The following LRRC4C variants were observed in gnomAD, a reference collection of about 807,000 sequenced individuals.
The protein encoded by LRRC4C is leucine-rich repeat-containing protein 4C.
In LRRC4C, 5 loss-of-function variants were observed where a neutral mutation model predicts 33.6. That is an observed-to-expected ratio of 0.15 (90% CI 0.08 to 0.31). The LOEUF (loss-of-function observed/expected upper bound fraction) is 0.31. Among genes scored for constraint, LRRC4C ranks in the 10% least tolerant of loss-of-function variants. LRRC4C has a pLI of 1.00. For synonymous variants in LRRC4C, 329 were observed against 302.0 expected (o/e 1.09, Z -0.93); for missense variants, 560 against 796.7 (o/e 0.70, Z 3.58).
intron 1 of LRRC4C, among the ~76,000 whole-genome samples, chr11:41,445,698 G>T (rs915102401): frequency 6.6e-6 from 1 of 152,050 alleles, no homozygotes; most frequent in African/African-American, 2.4e-5. Flanking sequence ...TCTGTAATAC[G>T]TGAACAATAA....
chr11:41,073,400 T>A (rs187207296), intron 1 of LRRC4C, among the ~76,000 whole-genome samples: 247 of 150,466 alleles, frequency 1.6e-3, no homozygotes, highest in Middle Eastern at 3.8e-3. Context: ...AGGGGGAGCA[T>A]CTATTTATGG....
chr11:40,558,695 A>G (rs1295691007), intron 3 of LRRC4C, among the ~76,000 whole-genome samples: 2 of 152,098 alleles, frequency 1.3e-5, no homozygotes, highest in African/African-American at 4.8e-5. Flanking sequence ...AACGGACATG[A>G]TTTTTTAAAA....
chr11:41,441,499 T>C (rs1163654762), intron 1 of LRRC4C, among the ~76,000 whole-genome samples: 50 of 151,188 alleles, frequency 3.3e-4, no homozygotes, highest in African/African-American at 1.1e-3. Context: ...TTTTTTTTTT[T>C]CCACATCTCA....
intron 3 of LRRC4C, among the ~76,000 whole-genome samples, chr11:40,332,256 C>A: frequency 6.6e-6 from 1 of 152,186 alleles, no homozygotes; most frequent in East Asian, 1.9e-4. Flanking sequence ...ATGGCTGAAT[C>A]TTTCCTTGTC....
At chr11:40,126,182 C>A (rs1270117828) in intron 6 of LRRC4C, among the ~76,000 whole-genome samples, 1 of 150,512 alleles carries the variant, frequency 6.6e-6, no homozygotes, top group African/African-American at 2.4e-5. Context: ...AAAAAACCCA[C>A]CTGACTCTGC....
At chr11:40,401,074 G>A (rs1314124822) in intron 3 of LRRC4C, among the ~76,000 whole-genome samples, 2 of 152,068 alleles carry the variant, frequency 1.3e-5, no homozygotes, top group Non-Finnish European at 2.9e-5. Context: ...GAATTAATAA[G>A]CTCCTGGAAG....
chr11:41,287,609 T>G (rs569800977), intron 1 of LRRC4C, among the ~76,000 whole-genome samples: 1 of 152,296 alleles, frequency 6.6e-6, no homozygotes, highest in South Asian at 2.1e-4. Flanking sequence ...CTAGAAGCTA[T>G]TTTCAATATT....
At chr11:41,000,238 T>C (rs1854280568) in intron 1 of LRRC4C, among the ~76,000 whole-genome samples, 1 of 152,114 alleles carries the variant, frequency 6.6e-6, no homozygotes, top group South Asian at 2.1e-4. Flanking sequence ...TTTGAAAAAC[T>C]CCAGACATAA....
At chr11:41,005,465 G>A (rs1051599674) in intron 1 of LRRC4C, among the ~76,000 whole-genome samples, 2 of 152,204 alleles carry the variant, frequency 1.3e-5, no homozygotes, top group Admixed American at 6.5e-5. Context: ...TTAGCCGGGC[G>A]TGGTGGCACA....
At chr11:41,422,210 T>G (rs896955084) in intron 1 of LRRC4C, among the ~76,000 whole-genome samples, 3 of 151,990 alleles carry the variant, frequency 2.0e-5, no homozygotes, top group Non-Finnish European at 2.9e-5. Context: ...GACTCTAATT[T>G]TTTTTTCAGT....
At chr11:40,550,745 G>A (rs926222694) in intron 3 of LRRC4C, among the ~76,000 whole-genome samples, 3 of 151,882 alleles carry the variant, frequency 2.0e-5, no homozygotes, top group African/African-American at 7.3e-5. Context: ...ATCAGCAGAA[G>A]GACCACCATG....
At chr11:40,327,338 TAAG>T (rs1207613022) in intron 3 of LRRC4C, among the ~76,000 whole-genome samples, 1 of 152,012 alleles carries the variant, frequency 6.6e-6, no homozygotes, top group Admixed American at 6.6e-5. Flanking sequence ...CATAAATAAA[TAAG>T]AAGATCTAAA....
At chr11:40,643,643 G>C (rs1942258857) in intron 3 of LRRC4C, among the ~76,000 whole-genome samples, 1 of 152,136 alleles carries the variant, frequency 6.6e-6, no homozygotes. Flanking sequence ...CACCAGCACG[G>C]TGTCAGTGGT....
intron 5 of LRRC4C, among the ~76,000 whole-genome samples, chr11:40,228,269 C>T (rs539673224): frequency 2.0e-5 from 3 of 152,288 alleles, no homozygotes; most frequent in African/African-American, 4.8e-5. Context: ...ATGAGAAGTA[C>T]TGCATTCTTC....
intron 3 of LRRC4C, among the ~76,000 whole-genome samples, chr11:40,468,064 T>C (rs1458795066): frequency 6.6e-6 from 1 of 152,156 alleles, no homozygotes; most frequent in East Asian, 1.9e-4. Context: ...TAATAGGCAA[T>C]GCAGTTGGGA....
chr11:40,123,640 T>C (rs1855990730), intron 6 of LRRC4C, among the ~76,000 whole-genome samples: 1 of 151,706 alleles, frequency 6.6e-6, no homozygotes, highest in African/African-American at 2.4e-5. Context: ...GAAGAAACAA[T>C]AGGATTAAAA....
At chr11:40,877,440 CAG>C (rs1954959897) in intron 2 of LRRC4C, among the ~76,000 whole-genome samples, 1 of 152,148 alleles carries the variant, frequency 6.6e-6, no homozygotes, top group African/African-American at 2.4e-5. Flanking sequence ...TCAACATCAG[CAG>C]ACTCATCAAC....
chr11:40,139,497 CT>C (rs146060656), intron 6 of LRRC4C, among the ~76,000 whole-genome samples: 3,300 of 152,084 alleles, frequency 0.022, 61 homozygotes, highest in Non-Finnish European at 0.032. Flanking sequence ...TAAAATGCAT[CT>C]TTTTTTTGTT....
chr11:40,125,566 CTCCTT>C (rs1856161378), intron 6 of LRRC4C, among the ~76,000 whole-genome samples: 1 of 152,078 alleles, frequency 6.6e-6, no homozygotes, highest in Admixed American at 6.6e-5. Flanking sequence ...CTCTCTCTCT[CTCCTT>C]ATTTCCTCAG....
Sources: gnomAD v4.1 joint callset for allele counts (sites outside exome capture counted in the v4.1 genomes callset) on GRCh38, gnomAD v4.1.1 for gene constraint, MANE v1.5 for transcripts, NCBI Gene and HGNC (gene_info 2026-07-23, HGNC 2026-07-21) for gene names.